The following VAV2 variants were observed in gnomAD, a reference collection of about 807,000 sequenced individuals.
VAV2 encodes the protein guanine nucleotide exchange factor VAV2.
Under a neutral mutation model 132.5 loss-of-function variants are expected in VAV2, and 67 were observed. That is an observed-to-expected ratio of 0.51 (90% CI 0.42 to 0.62). VAV2 has a LOEUF of 0.62. Among genes scored for constraint, VAV2 ranks in the 20% least tolerant of loss-of-function variants. The pLI, the probability that VAV2 is intolerant of heterozygous loss-of-function variation, is 0.00. For missense variants in VAV2, 938 were observed against 1,153.6 expected, an observed-to-expected ratio of 0.81 and a Z score of 2.71; for synonymous variants, 492 against 443.5, an observed-to-expected ratio of 1.11 and a Z score of -1.37.
Position 133,809,039 on chromosome 9 carries a change from CCTT to C in VAV2, c.664_666del (p.Lys222del). 1 of 1,613,520 alleles carries C rather than the reference CCTT, an allele frequency of 6.2e-7. No homozygotes were observed. The highest frequency in any genetic ancestry group is 8.5e-7 in the Non-Finnish European group (1 of 1,179,578). ...TTCCAGTGGCCGCCATCTGCCCTCA[CCTT>C]CTCAATGTCCTCCAGGGTGCGGTAG... On this transcript the variant is annotated inframe_deletion and splice_region_variant, in exon 7 of 30. Transcript: ENST00000371850.
chr9:133,887,047 G>A (rs971759192), intron 2 of VAV2, among the ~76,000 whole-genome samples: 2 of 152,160 alleles, frequency 1.3e-5, no homozygotes, highest in Non-Finnish European at 2.9e-5. Flanking sequence ...CTCAGCAGTG[G>A]TGGTTCCCAG....
chr9:133,894,205 A>G lies in VAV2; in HGVS notation c.322-32773T>C, dbSNP rs148534318. On this transcript the variant is annotated intron_variant, in intron 2 of 29. Coordinates refer to ENST00000371850, the MANE Select transcript of VAV2 (RefSeq NM_001134398.2). ...AAAGTGCACTGTGAGGGATCCAGGG[A>G]CCGTGGACACACAGGGTTCCACCCT... Among the ~76,000 whole-genome samples the G allele has an allele frequency of 4.7e-3, 723 of 152,336 alleles. 8 individuals carry two copies. Among genetic ancestry groups the G allele is most frequent in the African/African-American group, 0.016 (686 of 41,578 alleles).
chr9:133,948,331 C>T (rs1456306975), intron 1 of VAV2, among the ~76,000 whole-genome samples: 3 of 152,264 alleles, frequency 2.0e-5, no homozygotes, highest in Non-Finnish European at 2.9e-5. Context: ...GAACCTGACC[C>T]GCCTTTGCGC....
At chr9:133,967,236 C>T (rs961843342) in intron 1 of VAV2, among the ~76,000 whole-genome samples, 3 of 152,008 alleles carry the variant, frequency 2.0e-5, no homozygotes, top group Non-Finnish European at 2.9e-5. Flanking sequence ...GTTATAATAG[C>T]TATTATCAAC....
chr9:133,862,298 C>T (rs532800809), intron 2 of VAV2, among the ~76,000 whole-genome samples: 7 of 152,220 alleles, frequency 4.6e-5, no homozygotes, highest in African/African-American at 7.2e-5. Context: ...CAGATGAATA[C>T]GGGGAACCCG....
chr9:133,964,038 T>C (rs1051773000), intron 1 of VAV2, among the ~76,000 whole-genome samples: 1 of 101,146 alleles, frequency 9.9e-6, no homozygotes, highest in Non-Finnish European at 2.2e-5. Context: ...TATATATATA[T>C]ATATATATAT....
intron 9 of VAV2, among the ~76,000 whole-genome samples, chr9:133,799,833 AG>A (rs1834861615): frequency 6.6e-6 from 1 of 152,196 alleles, no homozygotes; most frequent in Non-Finnish European, 1.5e-5. Context: ...AGAGGAGAGA[AG>A]GAACAGAGGG....
chr9:133,854,549 G>A (rs1447546890), intron 3 of VAV2, among the ~76,000 whole-genome samples: 3 of 152,256 alleles, frequency 2.0e-5, no homozygotes, highest in Non-Finnish European at 4.4e-5. Flanking sequence ...ACAGAGGCCT[G>A]GGGTGTGGAA....
At chr9:133,938,549 A>G (rs1841010799) in intron 2 of VAV2, among the ~76,000 whole-genome samples, 1 of 152,064 alleles carries the variant, frequency 6.6e-6, no homozygotes, top group South Asian at 2.1e-4. Context: ...TCCTGAGAAC[A>G]CAGAGACACT....
At chr9:133,837,540 T>C (rs1229402103) in intron 3 of VAV2, among the ~76,000 whole-genome samples, 3 of 151,676 alleles carry the variant, frequency 2.0e-5, no homozygotes, top group African/African-American at 4.8e-5. Flanking sequence ...CTACTAAAAA[T>C]ACAAAAAAAT....
rs1469576081 is a variant in VAV2, at chr9:133,919,943, C to A, written c.321+19160G>T. 6.6e-6 allele frequency among the ~76,000 whole-genome samples: 1 copy of A among 152,216 alleles called. No homozygotes were observed. The highest frequency in any genetic ancestry group is 1.5e-5 in the Non-Finnish European group (1 of 68,028). ...AAGGCTGCTTTCCACGTTGCCCAGTCCTGCTCTGCCAGGCCCCAGGCATCA... is the reference window on the plus strand; with the variant it reads ...AAGGCTGCTTTCCACGTTGCCCAGTACTGCTCTGCCAGGCCCCAGGCATCA... On this transcript the variant is annotated intron_variant, in intron 2 of 29. Transcript: ENST00000371850. This position sits in a 1 kb window ranked among gnomAD's most constrained non-coding sequence, Gnocchi z 5.8.
intron 1 of VAV2, among the ~76,000 whole-genome samples, chr9:133,940,702 T>C (rs1321531854): frequency 9.2e-5 from 14 of 151,442 alleles, no homozygotes; most frequent in Non-Finnish European, 1.6e-4. Context: ...TGTGTGTGTG[T>C]GTGTGTTTCT....
chr9:133,851,901 ATGGATGGG>A lies in VAV2; in HGVS notation c.380+9465_380+9472del, dbSNP rs1357046418. Reference sequence around the variant, plus strand: ...AATGGATGGATGCATGGATGGATGGATGGATGGGTGGATGGATGGATGGATGGATGGAT... The same window carrying A: ...AATGGATGGATGCATGGATGGATGGATGGATGGATGGATGGATGGATGGAT... On this transcript the variant is annotated intron_variant, in intron 3 of 29. Coordinates refer to ENST00000371850, the MANE Select transcript of VAV2 (RefSeq NM_001134398.2). Among the ~76,000 whole-genome samples, 136 of 143,680 alleles carry A rather than the reference ATGGATGGG, an allele frequency of 9.5e-4. 2 individuals are homozygous for A. The highest frequency in any genetic ancestry group is 3.4e-3 in the African/African-American group (117 of 34,292). 94.3% of individuals were successfully genotyped at this position (143,680 alleles called of 152,430 possible).
chr9:133,838,111 C>T (rs1278260013), intron 3 of VAV2, among the ~76,000 whole-genome samples: 1 of 152,044 alleles, frequency 6.6e-6, no homozygotes, highest in African/African-American at 2.4e-5. Context: ...TTCACCAGGC[C>T]CCAGTCCCCT....
intron 2 of VAV2, among the ~76,000 whole-genome samples, chr9:133,871,436 T>TGGACAGATGGATG (rs1554796203): frequency 1.5e-5 from 2 of 135,514 alleles, no homozygotes; most frequent in African/African-American, 2.8e-5. Context: ...ATGGATGGAT[T>TGGACAGATGGATG]GATTGATGGA....
intron 4 of VAV2, among the ~76,000 whole-genome samples, chr9:133,818,222 C>T (rs1025077728): frequency 1.6e-4 from 24 of 152,140 alleles, no homozygotes; most frequent in Non-Finnish European, 2.4e-4. Context: ...AAAAATTAGC[C>T]AGGCATGGTG....
intron 2 of VAV2, among the ~76,000 whole-genome samples, chr9:133,892,836 C>T (rs1839033366): frequency 6.6e-6 from 1 of 152,178 alleles, no homozygotes. Flanking sequence ...CCTGGCCCAG[C>T]CTTGGCAATA....
rs532141656 is a variant in VAV2 at position 133,787,813 on chromosome 9, G to A, written c.1407+541C>T. Among the ~76,000 whole-genome samples, 31 of 132,890 alleles carry A rather than the reference G, an allele frequency of 2.3e-4. No individual in the cohort carries two copies. In the South Asian group the frequency reaches 7.2e-3, roughly 31 times the overall value. 87.2% of individuals were successfully genotyped at this position (132,890 alleles called of 152,430 possible). A position where few individuals can be genotyped will look rare whatever the true frequency, so the allele number is the denominator to read the frequency against. ...GGCCCACCTCTGCAGTCCTGGCCCCGCCCCAGCAGCCACAGGCCCCACCCC... is the reference window on the plus strand; with the variant it reads ...GGCCCACCTCTGCAGTCCTGGCCCCACCCCAGCAGCCACAGGCCCCACCCC... On this transcript the variant is annotated intron_variant, in intron 15 of 29. Transcript: ENST00000371850.
Position 133,961,458 on chromosome 9 carries a change from G to A in VAV2, c.205-22239C>T, listed in dbSNP as rs1461014626. ...TGGGGCTGCAGACCAGAGGGCCCTGGAATCCCCTTCTCCAACCCAGTCGGG... is the reference window on the plus strand; with the variant it reads ...TGGGGCTGCAGACCAGAGGGCCCTGAAATCCCCTTCTCCAACCCAGTCGGG... On this transcript the variant is annotated intron_variant, in intron 1 of 29. Coordinates refer to ENST00000371850, the MANE Select transcript of VAV2 (RefSeq NM_001134398.2). This position sits in a 1 kb window ranked among gnomAD's most constrained non-coding sequence, Gnocchi z 4.1. Among the ~76,000 whole-genome samples the A allele has an allele frequency of 6.6e-6, 1 of 152,186 alleles. No homozygotes were observed. The highest frequency in any genetic ancestry group is 1.5e-5 in the Non-Finnish European group (1 of 68,034).
Sources: gnomAD v4.1 joint callset for allele counts (sites outside exome capture counted in the v4.1 genomes callset) on GRCh38, gnomAD v4.1.1 for gene constraint, Gnocchi (gnomAD v3.1) non-coding constraint, MANE v1.5 for transcripts, NCBI Gene and HGNC (gene_info 2026-07-23, HGNC 2026-07-21) for gene names.